Variants in NRCAM observed in about 807,000 individuals in gnomAD.
The protein encoded by NRCAM is neuronal cell adhesion molecule, also known as NgCAM-related cell adhesion molecule.
In NRCAM, 83 loss-of-function variants were observed where a neutral mutation model predicts 156.5. The ratio of observed to expected loss-of-function variants is 0.53; its 90% confidence interval spans 0.44 to 0.64. The LOEUF is 0.64. Ranked by LOEUF, NRCAM falls within the 30% of genes least tolerant of loss-of-function variation. NRCAM has a pLI of 0.00. For missense variants in NRCAM, 1,417 were observed against 1,597.3 expected, an observed-to-expected ratio of 0.89 and a Z score of 1.92; for synonymous variants, 538 against 563.9, an observed-to-expected ratio of 0.95 and a Z score of 0.65.
chr7:108,329,165 G>A (rs1221042473), intron 2 of NRCAM, among the ~76,000 whole-genome samples: 1 of 152,048 alleles, frequency 6.6e-6, no homozygotes, highest in Non-Finnish European at 1.5e-5. Flanking sequence ...CCACAGTCAT[G>A]AGTATTCACC....
At chr7:108,254,551 CTTTTT>C (rs71137620) in intron 3 of NRCAM, among the ~76,000 whole-genome samples, 1 of 130,334 alleles carries the variant, frequency 7.7e-6, no homozygotes. Flanking sequence ...AACAATTTTG[CTTTTT>C]TTTTTTTTTT....
At chr7:108,438,245 A>G (rs1022042318) in intron 1 of NRCAM, among the ~76,000 whole-genome samples, 2 of 152,068 alleles carry the variant, frequency 1.3e-5, no homozygotes, top group Non-Finnish European at 2.9e-5. Flanking sequence ...CTACATATCA[A>G]CATCCCTAAG....
chr7:108,160,102 C>T (rs441468), intron 31 of NRCAM, among the ~76,000 whole-genome samples: 115,253 of 152,070 alleles, frequency 0.76, 44,811 homozygotes, highest in Non-Finnish European at 0.85. Flanking sequence ...CATCCATAAC[C>T]TATGTGGAGT....
intron 2 of NRCAM, among the ~76,000 whole-genome samples, chr7:108,340,899 C>T (rs1594239388): frequency 6.6e-6 from 1 of 152,144 alleles, no homozygotes; most frequent in African/African-American, 2.4e-5. Context: ...CCCTATTGAA[C>T]TTGGCAACCT....
chr7:108,311,078 G>A (rs889173531), intron 3 of NRCAM, among the ~76,000 whole-genome samples: 1 of 152,158 alleles, frequency 6.6e-6, no homozygotes, highest in Admixed American at 6.6e-5. Flanking sequence ...CACCTTAAAA[G>A]GGCACCATGT....
intron 30 of NRCAM, among the ~76,000 whole-genome samples, chr7:108,164,955 T>C (rs1193614187): frequency 2.0e-5 from 3 of 152,052 alleles, no homozygotes; most frequent in Non-Finnish European, 2.9e-5. Context: ...TCTAAAGGAG[T>C]TGTCTTTTGT....
chr7:108,147,675 C>T lies in NRCAM; in HGVS notation c.*2235G>A, dbSNP rs1157801428. 6.6e-6 allele frequency: 1 copy of T among 152,238 alleles called. No homozygotes were observed. The highest frequency in any genetic ancestry group is 1.5e-5 in the Non-Finnish European group (1 of 68,010). The allele number at this position is 152,238 out of a possible 1,614,324, so 9.4% of individuals were successfully genotyped here. ...AGAGATCAAGACTGTTTAATAGTTACTTTTTTGAGGGAAATCCAGTCACAT... is the reference window on the plus strand; with the variant it reads ...AGAGATCAAGACTGTTTAATAGTTATTTTTTTGAGGGAAATCCAGTCACAT... On this transcript the variant is annotated 3_prime_UTR_variant, in exon 33 of 33. Coordinates refer to ENST00000379028, the MANE Select transcript of NRCAM (RefSeq NM_001037132.4).
chr7:108,216,632 A>T (rs1373506589), intron 11 of NRCAM, among the ~76,000 whole-genome samples: 1 of 151,694 alleles, frequency 6.6e-6, no homozygotes, highest in African/African-American at 2.4e-5. Context: ...TTTTTCTCTA[A>T]TCTTGTCTTC....
At chr7:108,279,970 T>TA (rs1480622231) in intron 3 of NRCAM, among the ~76,000 whole-genome samples, 9 of 152,222 alleles carry the variant, frequency 5.9e-5, no homozygotes, top group Admixed American at 5.9e-4. Flanking sequence ...CAATGCAGAA[T>TA]GGACACTGGT....
intron 1 of NRCAM, 33 bp downstream of exon 1, chr7:108,456,210 G>C (rs895878092): frequency 2.0e-5 from 3 of 152,566 alleles, no homozygotes; most frequent in Non-Finnish European, 4.4e-5. Context: ...GCAGGACCCA[G>C]TGTCACCGCC....
At chr7:108,283,038 T>C (rs1432658725) in intron 3 of NRCAM, among the ~76,000 whole-genome samples, 1 of 148,332 alleles carries the variant, frequency 6.7e-6, no homozygotes, top group Non-Finnish European at 1.5e-5. Flanking sequence ...TGCTTCTCTG[T>C]TCCCTACTCT....
At chr7:108,412,119 TTCTA>T (rs1697758700) in intron 1 of NRCAM, among the ~76,000 whole-genome samples, 2 of 152,216 alleles carry the variant, frequency 1.3e-5, no homozygotes, top group African/African-American at 4.8e-5. Flanking sequence ...AAAACTGTTT[TTCTA>T]TCTTATTGCC....
intron 13 of NRCAM, among the ~76,000 whole-genome samples, chr7:108,200,860 T>C (rs538140671): frequency 6.6e-6 from 1 of 151,832 alleles, no homozygotes; most frequent in South Asian, 2.1e-4. Context: ...TTGGAGATCA[T>C]TATTCTAAGT....
chr7:108,390,135 C>T (rs148998953), intron 2 of NRCAM, among the ~76,000 whole-genome samples: 40,177 of 151,976 alleles, frequency 0.26, 5,637 homozygotes, highest in African/African-American at 0.3. Flanking sequence ...ATGGTACCAG[C>T]TCCTCCTTGT....
chr7:108,373,620 C>G (rs997774038), intron 2 of NRCAM, among the ~76,000 whole-genome samples: 4 of 152,182 alleles, frequency 2.6e-5, no homozygotes, highest in African/African-American at 9.7e-5. Flanking sequence ...GGTGCCCTAC[C>G]AGCAAATCCT....
At chr7:108,445,930 CA>C (rs1843658215) in intron 1 of NRCAM, among the ~76,000 whole-genome samples, 1 of 152,178 alleles carries the variant, frequency 6.6e-6, no homozygotes, top group East Asian at 1.9e-4. Context: ...ATCTGTTTCA[CA>C]AACCAGTCTC....
chr7:108,253,777 T>A lies in NRCAM; in HGVS notation c.-106-13607A>T, dbSNP rs536025913. Among the ~76,000 whole-genome samples, 146 of 152,322 alleles carry A rather than the reference T, an allele frequency of 9.6e-4. 1 individual carries two copies. The highest frequency in any genetic ancestry group is 3.4e-3 in the African/African-American group (142 of 41,568). ...AATTATGTACAGATGGATGGATGCC[T>A]GAGACTGGGAGTGGTCAGAGAGGAG... On this transcript the variant is annotated intron_variant, in intron 3 of 32. Transcript: ENST00000379028.
chr7:108,239,606 G>T (rs925456671), intron 4 of NRCAM, among the ~76,000 whole-genome samples: 16 of 152,086 alleles, frequency 1.1e-4, no homozygotes, highest in African/African-American at 3.9e-4. Flanking sequence ...TTTTAAAGTG[G>T]CTCATATAGT....
chr7:108,375,834 G>C (rs576829458), intron 2 of NRCAM, among the ~76,000 whole-genome samples: 3 of 152,248 alleles, frequency 2.0e-5, no homozygotes, highest in Admixed American at 2.0e-4. Flanking sequence ...CTCTTGTAGA[G>C]GAAATAATGT....
Sources: allele counts gnomAD v4.1 joint callset (sites outside exome capture counted in the v4.1 genomes callset), GRCh38; gene constraint gnomAD v4.1.1; transcripts MANE v1.5; gene names NCBI Gene and HGNC (gene_info 2026-07-23, HGNC 2026-07-21).